DCLK3: variants seen among roughly 807,000 people sequenced by gnomAD.
The protein encoded by DCLK3 is doublecortin like kinase 3.
In DCLK3, 30 loss-of-function variants were observed where a neutral mutation model predicts 46.4. That is an observed-to-expected ratio of 0.65 (90% CI 0.48 to 0.88). The LOEUF (loss-of-function observed/expected upper bound fraction) is 0.88, where lower values mean the gene tolerates loss of function less well. Among genes scored for constraint, DCLK3 ranks in the 40% least tolerant of loss-of-function variants. The probability of loss-of-function intolerance (pLI) is 0.00; values close to 1 mark genes in which losing one functional copy is unlikely to be tolerated. For missense variants in DCLK3, 846 were observed against 907.1 expected (o/e 0.93, Z 0.87); for synonymous variants, 401 against 339.2 (o/e 1.18, Z -2.00).
chr3:36,724,285 G>A (rs1222570220), intron 2 of DCLK3, among the ~76,000 whole-genome samples: 1 of 152,186 alleles, frequency 6.6e-6, no homozygotes, highest in African/African-American at 2.4e-5. Context: ...GATTCTACAG[G>A]CTCACAGGAG....
At chr3:36,719,665 CATCTCTGTGTT>C (rs1352618954) in intron 3 of DCLK3, among the ~76,000 whole-genome samples, 1 of 152,198 alleles carries the variant, frequency 6.6e-6, no homozygotes, top group Non-Finnish European at 1.5e-5. Flanking sequence ...CATTATCAAC[CATCTCTGTGTT>C]GAGGAGTCTC....
intron 1 of DCLK3, among the ~76,000 whole-genome samples, chr3:36,758,389 G>C (rs949938777): frequency 6.6e-6 from 1 of 152,134 alleles, no homozygotes; most frequent in African/African-American, 2.4e-5. Flanking sequence ...TTAAAACTTA[G>C]TCCCCATTGT....
intron 1 of DCLK3, among the ~76,000 whole-genome samples, chr3:36,760,067 G>T (rs568438764): frequency 2.6e-5 from 4 of 152,316 alleles, no homozygotes; most frequent in Non-Finnish European, 5.9e-5. Flanking sequence ...CAGGAGGCTG[G>T]TCCTAGGGCA....
chr3:36,730,193 TACACACACACACACAC>T (rs55833576), intron 2 of DCLK3, among the ~76,000 whole-genome samples: 2 of 143,170 alleles, frequency 1.4e-5, no homozygotes, highest in East Asian at 4.2e-4. Context: ...ACACCATATA[TACACACACACACACAC>T]ACACACACAC....
intron 1 of DCLK3, among the ~76,000 whole-genome samples, chr3:36,755,611 G>A (rs1701478379): frequency 6.6e-6 from 1 of 152,138 alleles, no homozygotes; most frequent in Admixed American, 6.5e-5. Context: ...AACTACTGAA[G>A]AGGAGGGGAG....
Position 36,738,453 on chromosome 3 carries a change from G to A in DCLK3, c.714C>T (p.Cys238=). The part of the protein sequence containing the change: ...TPKSCSEVAG[C]KAAMRHQGKI... ...TCCCCTGGTGCCTCATGGCTGCCTT[G>A]CATCCTGCAACTTCGCTGCAGCTCT... The change falls in exon 2 of 5, where the codon TGC becomes TGT. Residue 238 remains cysteine, a synonymous_variant. Coordinates refer to ENST00000636136, the MANE Select transcript of DCLK3 (RefSeq NM_001394672.2). The A allele has an allele frequency of 6.8e-7, 1 of 1,472,542 alleles. No homozygotes were observed. The highest frequency in any genetic ancestry group is 9.0e-7 in the Non-Finnish European group (1 of 1,112,502). 91.2% of individuals were successfully genotyped at this position (1,472,542 alleles called of 1,614,324 possible). A position where few individuals can be genotyped will look rare whatever the true frequency, so the allele number is the denominator to read the frequency against.
intron 2 of DCLK3, chr3:36,729,775 C>T (rs577323705): frequency 1.3e-5 from 2 of 152,332 alleles, no homozygotes; most frequent in African/African-American, 4.8e-5. Context: ...CTTTTTCCCT[C>T]CAAGGTCCAT....
At chr3:36,732,606 T>C (rs1431680570) in intron 2 of DCLK3, among the ~76,000 whole-genome samples, 1 of 152,238 alleles carries the variant, frequency 6.6e-6, no homozygotes, top group Non-Finnish European at 1.5e-5. Context: ...ACTTTTTCTT[T>C]GGTAATTTCA....
At chr3:36,763,066 A>T (rs980502413) in intron 1 of DCLK3, among the ~76,000 whole-genome samples, 1 of 152,108 alleles carries the variant, frequency 6.6e-6, no homozygotes, top group Non-Finnish European at 1.5e-5. Flanking sequence ...AGCCCAACAG[A>T]TCTCCACTGT....
At chr3:36,722,232 G>A (rs796173454) in intron 2 of DCLK3, among the ~76,000 whole-genome samples, 14 of 152,118 alleles carry the variant, frequency 9.2e-5, no homozygotes, top group South Asian at 2.1e-4. Flanking sequence ...AGATAGGGAC[G>A]GTTAATTGGT....
intron 1 of DCLK3, among the ~76,000 whole-genome samples, chr3:36,754,197 T>C (rs1209964044): frequency 6.6e-6 from 1 of 152,242 alleles, no homozygotes; most frequent in Non-Finnish European, 1.5e-5. Flanking sequence ...TTTATGCTTA[T>C]AGCAAACTTA....
chr3:36,725,319 A>C (rs1305873386), intron 2 of DCLK3, among the ~76,000 whole-genome samples: 1 of 151,970 alleles, frequency 6.6e-6, no homozygotes, highest in Non-Finnish European at 1.5e-5. Context: ...CTCAAAAAAA[A>C]AAAAAACGGG....
Position 36,741,604 on chromosome 3 carries a change from C to A in DCLK3, c.83-2520G>T, listed in dbSNP as rs149871541. Among the ~76,000 whole-genome samples, 397 of 152,306 alleles carry A rather than the reference C, an allele frequency of 2.6e-3. 2 individuals carry two copies. Among genetic ancestry groups the A allele is most frequent in the African/African-American group, 9.2e-3 (383 of 41,562 alleles). On this transcript the variant is annotated intron_variant, in intron 1 of 4. Coordinates refer to ENST00000636136, the MANE Select transcript of DCLK3 (RefSeq NM_001394672.2). ...GACAAGATTTGAGTTGGGTTTTCAA[C>A]ACCTAATGAGGTAGAGGCCACCCAG...
chr3:36,725,420 C>T (rs576166851), intron 2 of DCLK3, among the ~76,000 whole-genome samples: 1 of 152,170 alleles, frequency 6.6e-6, no homozygotes, highest in South Asian at 2.1e-4. Context: ...AGTTCAAGAC[C>T]AGCCTGGGCA....
At position 36,737,751 on chromosome 3, in the gene DCLK3, T is replaced by C. The variant is rs556230730; in HGVS notation, c.1416A>G (p.Pro472=). ...EEKEAEKEKK[P]CMSGGRRMTL... ...TCATCCTTCTGCCTCCAGACATACA[T>C]GGCTTTTTCTCCTTCTCTGCCTCCT... Residue 472 remains proline, a synonymous_variant, in exon 2 of 5, where the codon CCA becomes CCG. Coordinates refer to ENST00000636136, the MANE Select transcript of DCLK3 (RefSeq NM_001394672.2). The surrounding 1 kb of genome is among the most constrained non-coding windows in gnomAD (Gnocchi z 4.4). 38 of 1,614,190 alleles carry C rather than the reference T, an allele frequency of 2.4e-5. No individual in the cohort carries two copies. Among genetic ancestry groups the C allele is most frequent in the Admixed American group, 3.3e-5 (2 of 60,028 alleles).
At chr3:36,718,618 C>T (rs146614580) in intron 3 of DCLK3, among the ~76,000 whole-genome samples, 2 of 152,306 alleles carry the variant, frequency 1.3e-5, no homozygotes, top group Non-Finnish European at 2.9e-5. Context: ...GCAGCAGGAC[C>T]GTGAGTCCAC....
At chr3:36,718,418 T>C (rs1275766651) in intron 3 of DCLK3, among the ~76,000 whole-genome samples, 1 of 152,230 alleles carries the variant, frequency 6.6e-6, no homozygotes, top group East Asian at 1.9e-4. Flanking sequence ...GCCTTATTAC[T>C]GGTCTGTAAT....
chr3:36,729,256 G>C (rs1029472908), intron 2 of DCLK3, among the ~76,000 whole-genome samples: 3 of 151,548 alleles, frequency 2.0e-5, no homozygotes, highest in East Asian at 2.0e-4. Context: ...TGTGGGGGGG[G>C]GGGGTACAAA....
chr3:36,722,218 G>T (rs1371749975), intron 2 of DCLK3, among the ~76,000 whole-genome samples: 3 of 152,170 alleles, frequency 2.0e-5, no homozygotes, highest in Non-Finnish European at 4.4e-5. Flanking sequence ...CAGGGGTGAG[G>T]GGGAGATAGG....
Sources: allele counts gnomAD v4.1 joint callset (sites outside exome capture counted in the v4.1 genomes callset), GRCh38; gene constraint gnomAD v4.1.1; non-coding constraint Gnocchi (gnomAD v3.1); transcripts MANE v1.5; gene names NCBI Gene and HGNC (gene_info 2026-07-23, HGNC 2026-07-21).